THSD4: variants seen among roughly 807,000 people sequenced by gnomAD.
THSD4 encodes thrombospondin type-1 domain-containing protein 4.
THSD4 carries 69 observed loss-of-function variants against 119.0 expected under a neutral mutation model. The ratio of observed to expected loss-of-function variants is 0.58; its 90% CI spans 0.48 to 0.71. The LOEUF (loss-of-function observed/expected upper bound fraction) is 0.71. Among genes scored for constraint, THSD4 ranks in the 30% least tolerant of loss-of-function variants. The pLI is 0.00. For synonymous variants in THSD4, 524 were observed against 540.4 expected (o/e 0.97, Z 0.42); for missense variants, 1,393 against 1,391.1 (o/e 1.00, Z -0.02).
intron 7 of THSD4, among the ~76,000 whole-genome samples, chr15:71,467,169 T>C (rs532633544): frequency 2.0e-5 from 3 of 152,306 alleles, no homozygotes; most frequent in African/African-American, 7.2e-5. Flanking sequence ...TCCACAAAAG[T>C]CCACATGGCA....
In THSD4 at chr15:71,777,405, T is replaced by C. The variant is rs779348115; in HGVS notation, c.*31T>C. ...CTGCACCCCCATCAGTAGGGCAGCA[T>C]CACTGCCTTCCCGGGGGCTTCAGCA... On this transcript the variant is annotated 3_prime_UTR_variant, in exon 18 of 18. Coordinates refer to ENST00000261862, the MANE Select transcript of THSD4 (RefSeq NM_024817.3). 3.1e-6 allele frequency: 5 copies of C among 1,602,356 alleles called. No homozygotes were observed. In the South Asian group the frequency reaches 5.5e-5, roughly 18 times the overall value.
chr15:71,131,959 C>T (rs758989235), intron 1 of THSD4, among the ~76,000 whole-genome samples: 8 of 152,282 alleles, frequency 5.3e-5, no homozygotes, highest in African/African-American at 9.6e-5. Context: ...AGAATGTTCC[C>T]GACAACCTGC....
intron 4 of THSD4, among the ~76,000 whole-genome samples, chr15:71,224,953 G>A (rs2044003223): frequency 6.6e-6 from 1 of 152,088 alleles, no homozygotes. Context: ...CAGGTTCTGG[G>A]GGTTAGGATG....
chr15:71,495,152 C>T (rs1348562863), intron 7 of THSD4, among the ~76,000 whole-genome samples: 2 of 152,194 alleles, frequency 1.3e-5, no homozygotes, highest in African/African-American at 2.4e-5. Flanking sequence ...AAATTGCTAA[C>T]AATTCAAGTT....
chr15:71,133,508 A>C lies in THSD4; in HGVS notation c.-79-7941A>C, dbSNP rs550304141. 2.4e-4 allele frequency among the ~76,000 whole-genome samples: 36 copies of C among 152,342 alleles called. 1 individual carries two copies. Among genetic ancestry groups the C allele is most frequent in the Non-Finnish European group, 4.6e-4 (31 of 68,028 alleles). On this transcript the variant is annotated intron_variant, in intron 1 of 17. Coordinates refer to ENST00000261862, the MANE Select transcript of THSD4 (RefSeq NM_024817.3). ...GGTCCTGTGTTGTGAGGGAGGAAAG[A>C]CAAGCACAAATCATAATGATACGCT...
intron 7 of THSD4, among the ~76,000 whole-genome samples, chr15:71,554,121 G>A (rs1398278154): frequency 6.7e-5 from 9 of 133,474 alleles, no homozygotes; most frequent in South Asian, 2.7e-4. Flanking sequence ...ATGGAGTCTC[G>A]CTCTGTCGCC....
intron 7 of THSD4, among the ~76,000 whole-genome samples, chr15:71,543,708 G>C (rs944133696): frequency 6.6e-6 from 1 of 152,228 alleles, no homozygotes; most frequent in Non-Finnish European, 1.5e-5. Context: ...TCAGGAGGGA[G>C]ACCTGGCTAC....
chr15:71,537,636 G>A lies in THSD4; in HGVS notation c.1153-122894G>A, dbSNP rs370056774. Among the ~76,000 whole-genome samples the A allele has an allele frequency of 1.2e-4, 19 of 152,010 alleles. No homozygotes were observed. In the East Asian group the frequency reaches 2.5e-3, roughly 20 times the overall value. On this transcript the variant is annotated intron_variant, in intron 7 of 17. Coordinates refer to ENST00000261862, the MANE Select transcript of THSD4 (RefSeq NM_024817.3). ...CATCCTGCACCAGACAAAAAGTTCC[G>A]TAATGATAAGAATTGAGTCTGTTTT...
At chr15:71,292,573 T>G (rs946925160) in intron 6 of THSD4, among the ~76,000 whole-genome samples, 2 of 152,162 alleles carry the variant, frequency 1.3e-5, no homozygotes, top group African/African-American at 4.8e-5. Flanking sequence ...TTCTAAGACC[T>G]TTCTAGTTTC....
chr15:71,667,892 G>C (rs1005926268), intron 8 of THSD4, among the ~76,000 whole-genome samples: 2 of 152,060 alleles, frequency 1.3e-5, no homozygotes, highest in South Asian at 4.1e-4. Context: ...AGTTCATTGT[G>C]TATTCTCCAG....
chr15:71,489,300 T>C (rs1038493712), intron 7 of THSD4, among the ~76,000 whole-genome samples: 18 of 152,230 alleles, frequency 1.2e-4, no homozygotes, highest in African/African-American at 4.3e-4. Context: ...AAATATATCA[T>C]GCATTACCAT....
intron 8 of THSD4, among the ~76,000 whole-genome samples, chr15:71,723,219 A>G (rs1383068077): frequency 6.6e-6 from 1 of 152,182 alleles, no homozygotes; most frequent in Non-Finnish European, 1.5e-5. Context: ...AGTTTTAGCC[A>G]TGTAATCAAA....
chr15:71,111,442 A>C, upstream of THSD4: 1 of 1,586,316 alleles, frequency 6.3e-7, no homozygotes, highest in Non-Finnish European at 8.6e-7. Flanking sequence ...GGAGGAAGAA[A>C]AAGGACTGGG....
chr15:71,268,702 A>C (rs1182136770), intron 6 of THSD4, among the ~76,000 whole-genome samples: 1 of 151,878 alleles, frequency 6.6e-6, no homozygotes, highest in Non-Finnish European at 1.5e-5. Context: ...AGATTAGCAA[A>C]ATAGATAGAC....
chr15:71,160,008 G>T (rs1217018570), intron 3 of THSD4, among the ~76,000 whole-genome samples: 2 of 151,928 alleles, frequency 1.3e-5, no homozygotes, highest in Non-Finnish European at 2.9e-5. Flanking sequence ...TACTTAATTT[G>T]TTGACAGTTA....
intron 7 of THSD4, among the ~76,000 whole-genome samples, chr15:71,521,301 G>A (rs368286995): frequency 1.2e-3 from 183 of 152,152 alleles, no homozygotes; most frequent in African/African-American, 4.2e-3. Context: ...CTATTAAGAT[G>A]TTTTAGTTTT....
At chr15:71,227,995 C>A (rs1045172334) in intron 4 of THSD4, among the ~76,000 whole-genome samples, 2 of 152,040 alleles carry the variant, frequency 1.3e-5, no homozygotes, top group Non-Finnish European at 2.9e-5. Flanking sequence ...CGATGGTTTC[C>A]TCTGTAGTAG....
intron 7 of THSD4, among the ~76,000 whole-genome samples, chr15:71,617,368 A>G (rs1471986345): frequency 4.6e-5 from 7 of 152,104 alleles, no homozygotes; most frequent in Non-Finnish European, 1.0e-4. Flanking sequence ...ATTTGATTTA[A>G]CTTCTGTTTT....
At position 71,433,913 on chromosome 15, in the gene THSD4, A is replaced by G. The variant is rs539962696; in HGVS notation, c.1152+22090A>G. 3.9e-5 allele frequency among the ~76,000 whole-genome samples: 6 copies of G among 152,296 alleles called. No individual in the cohort carries two copies. In the South Asian group the frequency reaches 1.2e-3, roughly 32 times the overall value. ...AAGGCATAAGCTCACAGCAAGATGT[A>G]TACAGAACTTTGGGGAACCCCATTA... On this transcript the variant is annotated intron_variant, in intron 7 of 17. Coordinates refer to ENST00000261862, the MANE Select transcript of THSD4 (RefSeq NM_024817.3).
Sources: gnomAD v4.1 joint callset for allele counts (sites outside exome capture counted in the v4.1 genomes callset) on GRCh38, gnomAD v4.1.1 for gene constraint, MANE v1.5 for transcripts, NCBI Gene and HGNC (gene_info 2026-07-23, HGNC 2026-07-21) for gene names.